Variants in PCDHA1 observed in about 807,000 individuals in gnomAD.
PCDHA1 encodes the protein protocadherin alpha-1.
PCDHA1 carries 42 observed loss-of-function variants against 61.3 expected under a neutral mutation model. That is an observed-to-expected ratio of 0.69 (90% CI 0.54 to 0.89). The LOEUF (loss-of-function observed/expected upper bound fraction) is 0.89. Among genes scored for constraint, PCDHA1 ranks in the 40% least tolerant of loss-of-function variants. The pLI is 0.00. For missense variants in PCDHA1, 1,256 were observed against 1,235.3 expected (o/e 1.02, Z -0.25); for synonymous variants, 610 against 553.8 (o/e 1.10, Z -1.43).
intron 3 of PCDHA1, among the ~76,000 whole-genome samples, chr5:140,983,980 G>A (rs1169839423): frequency 6.6e-6 from 1 of 152,286 alleles, no homozygotes; most frequent in African/African-American, 2.4e-5. Flanking sequence ...AAATATACGA[G>A]TTGAAGCAAT....
chr5:140,856,816 C>T (rs2044218457), intron 1 of PCDHA1: 2 of 1,593,576 alleles, frequency 1.3e-6, no homozygotes, highest in Admixed American at 1.7e-5. Flanking sequence ...ATCAAGTGAA[C>T]CAAACATTAG....
chr5:140,792,404 A>G (rs1357204381), intron 1 of PCDHA1, among the ~76,000 whole-genome samples: 2 of 152,180 alleles, frequency 1.3e-5, no homozygotes, highest in Non-Finnish European at 2.9e-5. Context: ...AACCTCAGAA[A>G]AGTGATGTCT....
At chr5:140,862,964 G>T (rs782069131) in intron 1 of PCDHA1, 2 of 544,720 alleles carry the variant, frequency 3.7e-6, no homozygotes, top group South Asian at 2.8e-5. Context: ...TTCAGTGGAT[G>T]CAGGCCACTT....
At chr5:140,846,500 A>G (rs1234725783) in intron 1 of PCDHA1, among the ~76,000 whole-genome samples, 2 of 143,700 alleles carry the variant, frequency 1.4e-5, no homozygotes, top group African/African-American at 2.6e-5. Flanking sequence ...TCAGCCTCCC[A>G]AGTAGCTGGG....
intron 1 of PCDHA1, among the ~76,000 whole-genome samples, chr5:140,954,129 G>T (rs1206426573): frequency 6.6e-6 from 1 of 152,160 alleles, no homozygotes; most frequent in Non-Finnish European, 1.5e-5. Context: ...CCTTTTTATG[G>T]ATGCATAGTA....
intron 1 of PCDHA1, among the ~76,000 whole-genome samples, chr5:140,889,202 T>G (rs1329949873): frequency 6.6e-6 from 1 of 151,910 alleles, no homozygotes; most frequent in Non-Finnish European, 1.5e-5. Context: ...ACTTGAATAC[T>G]TAACAAAGAA....
At position 141,010,202 on chromosome 5, in the gene PCDHA1, G is replaced by C; in HGVS notation, c.*265G>C. 6.4e-7 allele frequency: 1 copy of C among 1,551,944 alleles called. No homozygotes were observed. The highest frequency in any genetic ancestry group is 8.7e-7 in the Non-Finnish European group (1 of 1,147,050). The stretch of plus-strand genomic sequence containing the variant: ...CAGACCCAAGTTTCCTTTCTCCTCC[G>C]CCGCAAAGGAGAGGCTTCCCAGCCC... On this transcript the variant is annotated 3_prime_UTR_variant, in exon 4 of 4. Coordinates refer to ENST00000504120, the MANE Select transcript of PCDHA1 (RefSeq NM_018900.4).
At chr5:140,953,062 C>A (rs2094842577) in intron 1 of PCDHA1, among the ~76,000 whole-genome samples, 1 of 152,160 alleles carries the variant, frequency 6.6e-6, no homozygotes, top group East Asian at 1.9e-4. Context: ...CTCTCACAGG[C>A]CCCATCTCCA....
At chr5:140,848,056 C>T (rs2150406105) in intron 1 of PCDHA1, 2 of 161,888 alleles carry the variant, frequency 1.2e-5, no homozygotes, top group South Asian at 3.2e-4. Context: ...TTAATTGTTA[C>T]TTCATTTCTG....
intron 1 of PCDHA1, chr5:140,853,993 T>A (rs2042933293): frequency 8.2e-6 from 4 of 486,194 alleles, no homozygotes; most frequent in Admixed American, 6.7e-5. Context: ...GTGAGACTCA[T>A]CTCTGCCAAA....
intron 1 of PCDHA1, among the ~76,000 whole-genome samples, chr5:140,855,276 C>T (rs991955993): frequency 1.3e-5 from 2 of 149,614 alleles, no homozygotes; most frequent in Non-Finnish European, 3.0e-5. Flanking sequence ...CACTCAACCA[C>T]CGTATTACTA....
chr5:140,822,084 C>T (rs2150113560), intron 1 of PCDHA1: 2 of 1,614,224 alleles, frequency 1.2e-6, no homozygotes, highest in Non-Finnish European at 1.7e-6. Context: ...AGTGCAGCAT[C>T]CACCTGGAGG....
intron 1 of PCDHA1, among the ~76,000 whole-genome samples, chr5:140,874,790 A>C (rs2055107111): frequency 6.6e-6 from 1 of 152,254 alleles, no homozygotes; most frequent in East Asian, 1.9e-4. Context: ...TCTAACTTTC[A>C]TCAGATTTAT....
intron 1 of PCDHA1, among the ~76,000 whole-genome samples, chr5:140,914,381 T>C (rs192645626): frequency 1.7e-4 from 26 of 152,352 alleles, no homozygotes; most frequent in Admixed American, 2.6e-4. Flanking sequence ...TTATCTGTTA[T>C]AAGTGTAGTT....
intron 1 of PCDHA1, chr5:140,823,306 G>A (rs2150124482): frequency 9.9e-6 from 16 of 1,612,180 alleles, no homozygotes; most frequent in Admixed American, 1.7e-5. Flanking sequence ...TTCGGTGCAC[G>A]CGGAGAGCGG....
Position 140,795,464 on chromosome 5 carries a change from T to C in PCDHA1, c.2394+6780T>C, listed in dbSNP as rs782614505. On this transcript the variant is annotated intron_variant, in intron 1 of 3. Transcript: ENST00000504120. ...GATGCAGATATAGGAGTAAATGCTCTTCTCTCCTACAAGCTCAGCTCCAGT... is the reference window on the plus strand; with the variant it reads ...GATGCAGATATAGGAGTAAATGCTCCTCTCTCCTACAAGCTCAGCTCCAGT... 2.3e-5 allele frequency: 37 copies of C among 1,614,174 alleles called. No individual in the cohort carries two copies. The South Asian group carries it at 3.7e-4, about 16-fold the overall frequency.
chr5:140,909,601 C>G (rs1554193864), intron 1 of PCDHA1, among the ~76,000 whole-genome samples: 1 of 152,170 alleles, frequency 6.6e-6, no homozygotes, highest in Non-Finnish European at 1.5e-5. Context: ...TACTATTTTT[C>G]TAGGTAGAGG....
rs782291184 is a variant in PCDHA1, at chr5:140,796,545, A to G, written c.2394+7861A>G. The G allele has an allele frequency of 3.0e-5, 48 of 1,612,912 alleles. No individual in the cohort carries two copies. The Admixed American group carries it at 3.7e-4, about 12-fold the overall frequency. The stretch of plus-strand genomic sequence containing the variant: ...CGCTGCAGCCGCTGGACCACGAGGA[A>G]GTGGAGCTGCTGCAGTTCCAGGTGA... On this transcript the variant is annotated intron_variant, in intron 1 of 3. Coordinates refer to ENST00000504120, the MANE Select transcript of PCDHA1 (RefSeq NM_018900.4).
At chr5:140,870,289 C>G in intron 1 of PCDHA1, 1 of 1,614,214 alleles carries the variant, frequency 6.2e-7, no homozygotes, top group Non-Finnish European at 8.5e-7. Flanking sequence ...TCCCTTCAAG[C>G]TGGTGTCCAC....
Sources: allele counts gnomAD v4.1 joint callset (sites outside exome capture counted in the v4.1 genomes callset), GRCh38; gene constraint gnomAD v4.1.1; transcripts MANE v1.5; gene names NCBI Gene and HGNC (gene_info 2026-07-23, HGNC 2026-07-21).